The following GABRG3 variants were observed in gnomAD, a reference collection of about 807,000 sequenced individuals.
GABRG3 encodes the protein gamma-aminobutyric acid type A receptor subunit gamma3, also known as gamma-aminobutyric acid receptor subunit gamma-3.
In GABRG3, 25 loss-of-function variants were observed where a neutral mutation model predicts 48.8. That is an observed-to-expected ratio of 0.51 (90% CI 0.37 to 0.72). The LOEUF (loss-of-function observed/expected upper bound fraction) is 0.72, where lower values mean the gene tolerates loss of function less well. Among genes scored for constraint, GABRG3 ranks in the 30% least tolerant of loss-of-function variants. GABRG3 has a pLI of 0.00. For synonymous variants in GABRG3, 227 were observed against 217.6 expected, an observed-to-expected ratio of 1.04 and a Z score of -0.38; for missense variants, 394 against 577.9, an observed-to-expected ratio of 0.68 and a Z score of 3.26.
At chr15:27,524,445 G>T (rs1227391234) in intron 7 of GABRG3, among the ~76,000 whole-genome samples, 1 of 151,992 alleles carries the variant, frequency 6.6e-6, no homozygotes, top group African/African-American at 2.4e-5. Flanking sequence ...AATACAAAAA[G>T]TGAAAATATG....
chr15:27,305,730 ATAAT>A lies in GABRG3; in HGVS notation c.271-21078_271-21075del, dbSNP rs1892395811. ...CCTATATGTTTATATATAAACATAT[ATAAT>A]ATAAACCTATATGTTTATATATAAA... On this transcript the variant is annotated intron_variant, in intron 3 of 9. Transcript: ENST00000615808. Among the ~76,000 whole-genome samples, 3 of 3,682 alleles carry A rather than the reference ATAAT, an allele frequency of 8.1e-4. No homozygotes were observed. In the South Asian group the frequency reaches 0.038, roughly 47 times the overall value. The allele number at this position is 3,682 out of a possible 152,430, so 2.4% of individuals were successfully genotyped here.
intron 6 of GABRG3, among the ~76,000 whole-genome samples, chr15:27,499,998 CAA>C (rs777598974): frequency 6.6e-6 from 1 of 152,162 alleles, no homozygotes; most frequent in East Asian, 1.9e-4. Flanking sequence ...GTCCCCGCTG[CAA>C]AAAGAGGGTC....
In GABRG3 at chr15:27,532,730, TCTG is replaced by T; in HGVS notation, c.1259_1261del (p.Cys420del). ...GATGGCAAAGACTGTCAGAGCTTCT[TCTG>T]CTGCTATGAAGAATGTAAATCAGGA... On this transcript the variant is annotated inframe_deletion, in exon 10 of 10. Coordinates refer to ENST00000615808, the MANE Select transcript of GABRG3 (RefSeq NM_033223.5). The T allele has an allele frequency of 6.2e-7, 1 of 1,614,046 alleles. No individual in the cohort carries two copies. The highest frequency in any genetic ancestry group is 1.3e-5 in the African/African-American group (1 of 75,056).
chr15:27,325,196 TCA>T (rs1272412097), intron 3 of GABRG3, among the ~76,000 whole-genome samples: 2 of 151,986 alleles, frequency 1.3e-5, no homozygotes, highest in Admixed American at 6.6e-5. Flanking sequence ...ATGCACACAC[TCA>T]CACACACACT....
At chr15:27,414,927 T>G (rs1221090603) in intron 5 of GABRG3, among the ~76,000 whole-genome samples, 2 of 152,182 alleles carry the variant, frequency 1.3e-5, no homozygotes, top group East Asian at 1.9e-4. Flanking sequence ...TTCTTTATCT[T>G]TGATTTTCGG....
At chr15:27,508,193 G>A (rs4778148) in intron 6 of GABRG3, among the ~76,000 whole-genome samples, 77,775 of 151,582 alleles carry the variant, frequency 0.51, 20,121 homozygotes, top group African/African-American at 0.56. Context: ...ATACGATCTC[G>A]CTCTCATTTG....
chr15:27,296,439 T>G (rs573705807), intron 3 of GABRG3, among the ~76,000 whole-genome samples: 11 of 152,098 alleles, frequency 7.2e-5, no homozygotes, highest in Non-Finnish European at 1.3e-4. Context: ...TAACTTTCAT[T>G]TATTCCATAG....
intron 2 of GABRG3, among the ~76,000 whole-genome samples, chr15:27,013,690 T>C (rs946039313): frequency 6.6e-5 from 10 of 152,254 alleles, no homozygotes; most frequent in African/African-American, 2.4e-4. Flanking sequence ...ATGCAAGGAT[T>C]TAACTATGGG....
At chr15:27,308,621 A>G (rs373966670) in intron 3 of GABRG3, among the ~76,000 whole-genome samples, 57 of 106,928 alleles carry the variant, frequency 5.3e-4, no homozygotes, top group South Asian at 5.0e-4. Flanking sequence ...ATACGCTTAT[A>G]TATAAACATA....
At chr15:26,995,231 T>G (rs1483890035) in intron 2 of GABRG3, among the ~76,000 whole-genome samples, 1 of 152,018 alleles carries the variant, frequency 6.6e-6, no homozygotes, top group African/African-American at 2.4e-5. Context: ...GCATTTTCAG[T>G]TTAAGGTGTA....
At chr15:27,186,909 CAGA>C (rs1419858414) in intron 3 of GABRG3, among the ~76,000 whole-genome samples, 1 of 152,094 alleles carries the variant, frequency 6.6e-6, no homozygotes, top group African/African-American at 2.4e-5. Flanking sequence ...TCTTGCTGTG[CAGA>C]AGGTCTTTAA....
rs950467181 is a variant in GABRG3, at chr15:27,537,013, C to T, written c.*4132C>T. On this transcript the variant is annotated 3_prime_UTR_variant, in exon 10 of 10. Coordinates refer to ENST00000615808, the MANE Select transcript of GABRG3 (RefSeq NM_033223.5). ...CTTATCACCGTATCGGTTCAGTGCT[C>T]TCAAGGCACAAAGCACTTGGAATTC... 2.0e-5 allele frequency: 3 copies of T among 151,862 alleles called. No individual in the cohort carries two copies. Among genetic ancestry groups the T allele is most frequent in the African/African-American group, 7.3e-5 (3 of 41,332 alleles). The allele number at this position is 151,862 out of a possible 1,614,324, so 9.4% of individuals were successfully genotyped here.
In GABRG3 at chr15:27,283,459, C is replaced by G. The variant is rs139310691; in HGVS notation, c.271-43350C>G. ...TCTCTACTATAAATACAAAAATTAGCCAGGCTTGATGGTGTGTGCTTGTAA... is the reference window on the plus strand; with the variant it reads ...TCTCTACTATAAATACAAAAATTAGGCAGGCTTGATGGTGTGTGCTTGTAA... On this transcript the variant is annotated intron_variant, in intron 3 of 9. Coordinates refer to ENST00000615808, the MANE Select transcript of GABRG3 (RefSeq NM_033223.5). Among the ~76,000 whole-genome samples the G allele has an allele frequency of 3.8e-3, 579 of 152,254 alleles. 1 individual carries two copies. The highest frequency in any genetic ancestry group is 0.01 in the Middle Eastern group (3 of 294).
chr15:27,177,623 T>C (rs1309328525), intron 3 of GABRG3, among the ~76,000 whole-genome samples: 11 of 152,214 alleles, frequency 7.2e-5, no homozygotes, highest in Admixed American at 7.2e-4. Flanking sequence ...GGCAGTTATC[T>C]TGTGAGGTTA....
chr15:27,498,178 C>T (rs1890533078), intron 6 of GABRG3, among the ~76,000 whole-genome samples: 1 of 152,050 alleles, frequency 6.6e-6, no homozygotes, highest in South Asian at 2.1e-4. Context: ...CCTTCTCCCT[C>T]TTTCTTTCTT....
chr15:27,272,519 C>T (rs1281658272), intron 3 of GABRG3, among the ~76,000 whole-genome samples: 1 of 152,190 alleles, frequency 6.6e-6, no homozygotes, highest in Non-Finnish European at 1.5e-5. Context: ...TCTATGACTG[C>T]ACCTACTCTA....
intron 3 of GABRG3, among the ~76,000 whole-genome samples, chr15:27,212,899 C>G (rs1399493027): frequency 6.6e-6 from 1 of 152,218 alleles, no homozygotes; most frequent in Non-Finnish European, 1.5e-5. Context: ...CATGTTGTTG[C>G]ATGTGTCAGA....
At chr15:27,027,436 C>T (rs1273446669) in intron 3 of GABRG3, among the ~76,000 whole-genome samples, 2 of 152,224 alleles carry the variant, frequency 1.3e-5, no homozygotes, top group Non-Finnish European at 2.9e-5. Flanking sequence ...GCTCCCCCCG[C>T]CTGCGGAGGT....
At chr15:27,067,827 G>T (rs1896763004) in intron 3 of GABRG3, among the ~76,000 whole-genome samples, 1 of 152,152 alleles carries the variant, frequency 6.6e-6, no homozygotes. Context: ...GTCAGCTAGG[G>T]TTGGTGTCTC....
Sources: allele counts gnomAD v4.1 joint callset (sites outside exome capture counted in the v4.1 genomes callset), GRCh38; gene constraint gnomAD v4.1.1; transcripts MANE v1.5; gene names NCBI Gene and HGNC (gene_info 2026-07-23, HGNC 2026-07-21).